CCDC125: variants seen among roughly 807,000 people sequenced by gnomAD.
CCDC125 encodes coiled-coil domain containing 125.
In CCDC125, 43 loss-of-function variants were observed where a neutral mutation model predicts 57.4. The ratio of observed to expected loss-of-function variants is 0.75; its 90% CI spans 0.59 to 0.97. The LOEUF is 0.97. Among genes scored for constraint, CCDC125 ranks in the 50% least tolerant of loss-of-function variants. The pLI is 0.00. For missense variants in CCDC125, 563 were observed against 595.7 expected, an observed-to-expected ratio of 0.95 and a Z score of 0.57; for synonymous variants, 187 against 195.2, an observed-to-expected ratio of 0.96 and a Z score of 0.35.
At chr5:69,311,907 G>C (rs1758221307) in intron 3 of CCDC125, among the ~76,000 whole-genome samples, 1 of 152,010 alleles carries the variant, frequency 6.6e-6, no homozygotes, top group East Asian at 2.0e-4. Context: ...GCTAATTTTT[G>C]TATTTTTAGT....
chr5:69,276,322 C>T (rs1196373673), downstream of CCDC125, among the ~76,000 whole-genome samples: 1 of 152,190 alleles, frequency 6.6e-6, no homozygotes, highest in Non-Finnish European at 1.5e-5. Context: ...AGCTACTGTG[C>T]CCGGCCAGTC....
In CCDC125 at chr5:69,315,526, G is replaced by A. The variant is rs563149485; in HGVS notation, c.305-1480C>T. Among the ~76,000 whole-genome samples, 20 of 145,628 alleles carry A rather than the reference G, an allele frequency of 1.4e-4. No individual in the cohort carries two copies. In the South Asian group the frequency reaches 4.2e-3, roughly 31 times the overall value. ...AATCCTAGCACCTTGGGAGGCTGAGGAGGGTGGATCATCTGAGATCAGGAG... is the reference window on the plus strand; with the variant it reads ...AATCCTAGCACCTTGGGAGGCTGAGAAGGGTGGATCATCTGAGATCAGGAG... On this transcript the variant is annotated intron_variant, in intron 2 of 11. Transcript: ENST00000396496.
chr5:69,283,242 C>T lies in CCDC125; in HGVS notation c.1231-208G>A, dbSNP rs760909485. Among the ~76,000 whole-genome samples, 5 of 138,192 alleles carry T rather than the reference C, an allele frequency of 3.6e-5. No individual in the cohort carries two copies. The South Asian group carries it at 9.0e-4, about 25-fold the overall frequency. 90.7% of individuals were successfully genotyped at this position (138,192 alleles called of 152,430 possible). On this transcript the variant is annotated intron_variant, in intron 11 of 11. Coordinates refer to ENST00000396496, the MANE Select transcript of CCDC125 (RefSeq NM_176816.5). Reference sequence around the variant, plus strand: ...AATCTTTTTTTTTTTTTTTTTGAGACGGAGTCTGGCTCTGTCACCCAGGCT... The same window carrying T: ...AATCTTTTTTTTTTTTTTTTTGAGATGGAGTCTGGCTCTGTCACCCAGGCT...
intron 10 of CCDC125, among the ~76,000 whole-genome samples, chr5:69,290,629 C>CTTTTTTTT (rs373663120): frequency 1.6e-3 from 193 of 117,752 alleles, no homozygotes; most frequent in African/African-American, 4.4e-3. Context: ...TCTTTTTTTT[C>CTTTTTTTT]TTTTTTTTTT....
At chr5:69,297,514 C>A (rs192602753) in intron 8 of CCDC125, among the ~76,000 whole-genome samples, 2 of 151,724 alleles carry the variant, frequency 1.3e-5, no homozygotes, top group Non-Finnish European at 2.9e-5. Context: ...CATACACCAC[C>A]ACGCCCAGCT....
chr5:69,284,228 TA>T (rs996218631), intron 11 of CCDC125, among the ~76,000 whole-genome samples: 45 of 152,260 alleles, frequency 3.0e-4, no homozygotes, highest in African/African-American at 8.9e-4. Flanking sequence ...TATCAACATA[TA>T]AAAAATATAT....
intron 6 of CCDC125, among the ~76,000 whole-genome samples, chr5:69,306,474 G>A (rs1757349216): frequency 6.6e-6 from 1 of 152,088 alleles, no homozygotes; most frequent in African/African-American, 2.4e-5. Flanking sequence ...GGCTACAGGT[G>A]CAAGCCACCA....
intron 8 of CCDC125, among the ~76,000 whole-genome samples, chr5:69,298,126 C>T (rs1316728559): frequency 6.6e-6 from 1 of 151,926 alleles, no homozygotes; most frequent in Non-Finnish European, 1.5e-5. Flanking sequence ...AGCGATTCTC[C>T]TGCCTCAGCC....
chr5:69,286,332 C>T (rs1459850843), intron 10 of CCDC125, among the ~76,000 whole-genome samples: 6 of 149,120 alleles, frequency 4.0e-5, no homozygotes, highest in South Asian at 2.1e-4. Context: ...CCCGGGTTCG[C>T]GCCATTCTCC....
At chr5:69,296,485 G>A (rs1477139160) in intron 8 of CCDC125, among the ~76,000 whole-genome samples, 1 of 152,010 alleles carries the variant, frequency 6.6e-6, no homozygotes, top group East Asian at 1.9e-4. Context: ...CTGGGAGGCA[G>A]AGGTTGCAGT....
intron 9 of CCDC125, chr5:69,294,272 A>G (rs1754966659): frequency 3.1e-6 from 1 of 323,116 alleles, no homozygotes; most frequent in African/African-American, 2.2e-5. Context: ...ACTTAGGCAA[A>G]TGACTTTAGG....
At chr5:69,313,540 A>G in intron 3 of CCDC125, 2 of 778,892 alleles carry the variant, frequency 2.6e-6, no homozygotes, top group Non-Finnish European at 4.7e-6. Flanking sequence ...TTTGCTCTTA[A>G]GGGGCACAGA....
intron 10 of CCDC125, among the ~76,000 whole-genome samples, chr5:69,286,307 C>T (rs1724139663): frequency 6.8e-6 from 1 of 146,342 alleles, no homozygotes; most frequent in Admixed American, 7.0e-5. Context: ...TCTCGGCTCA[C>T]TGCAAGCTCC....
Position 69,281,660 on chromosome 5 carries a change from T to C in CCDC125, c.*1069A>G, listed in dbSNP as rs745374773. ...GAAATTGTTATTTCTAAACTTCATA[T>C]GGTAAATGAAAAATACTGAACAAGG... is the stretch of plus-strand genomic sequence containing the variant. On this transcript the variant is annotated 3_prime_UTR_variant, in exon 12 of 12. Coordinates refer to ENST00000396496, the MANE Select transcript of CCDC125 (RefSeq NM_176816.5). The C allele has an allele frequency of 2.0e-5, 3 of 152,166 alleles. No individual in the cohort carries two copies. Among genetic ancestry groups the C allele is most frequent in the African/African-American group, 2.4e-5 (1 of 41,444 alleles). 9.4% of individuals were successfully genotyped at this position (152,166 alleles called of 1,614,324 possible).
At chr5:69,319,842 TG>T (rs1327701536) in intron 2 of CCDC125, among the ~76,000 whole-genome samples, 1 of 150,720 alleles carries the variant, frequency 6.6e-6, no homozygotes, top group Non-Finnish European at 1.5e-5. Flanking sequence ...TTCTAAAAGC[TG>T]GGTGCAGTGG....
chr5:69,311,246 T>C (rs1758088851), intron 3 of CCDC125, 42 bp from the exon 4 acceptor site: 2 of 1,199,268 alleles, frequency 1.7e-6, no homozygotes, highest in Non-Finnish European at 2.4e-6. Flanking sequence ...CTGCAAGATA[T>C]GCAACCCTAA....
At chr5:69,324,683 T>A (rs1276526733) in intron 1 of CCDC125, among the ~76,000 whole-genome samples, 1 of 152,142 alleles carries the variant, frequency 6.6e-6, no homozygotes, top group Non-Finnish European at 1.5e-5. Context: ...ATTTCCGATA[T>A]ATGCAATGAA....
At chr5:69,298,265 C>T (rs547511306) in intron 8 of CCDC125, among the ~76,000 whole-genome samples, 3 of 152,168 alleles carry the variant, frequency 2.0e-5, no homozygotes, top group Non-Finnish European at 2.9e-5. Flanking sequence ...CCGCCCGCCT[C>T]GGCCTCCCAA....
At chr5:69,305,731 C>T (rs1201809101) in intron 6 of CCDC125, among the ~76,000 whole-genome samples, 1 of 152,200 alleles carries the variant, frequency 6.6e-6, no homozygotes, top group Non-Finnish European at 1.5e-5. Context: ...AGTCAAGCAG[C>T]TGACTGACAA....
Sources: gnomAD v4.1 joint callset for allele counts (sites outside exome capture counted in the v4.1 genomes callset) on GRCh38, gnomAD v4.1.1 for gene constraint, MANE v1.5 for transcripts, NCBI Gene and HGNC (gene_info 2026-07-23, HGNC 2026-07-21) for gene names.